The following RBFOX2 variants were observed in gnomAD, a reference collection of about 807,000 sequenced individuals.
The protein encoded by RBFOX2 is RNA binding fox-1 homolog 2, also known as RNA binding protein fox-1 homolog 2.
Under a neutral mutation model 49.1 loss-of-function variants are expected in RBFOX2, and 10 were observed. The ratio of observed to expected loss-of-function variants is 0.20; its 90% CI spans 0.13 to 0.35. The LOEUF is 0.35. RBFOX2 is among the 10% of genes least tolerant of loss of function. The pLI, the probability that RBFOX2 is intolerant of heterozygous loss-of-function variation, is 1.00. For missense variants in RBFOX2, 323 were observed against 486.9 expected, an observed-to-expected ratio of 0.66 and a Z score of 3.17; for synonymous variants, 183 against 187.4, an observed-to-expected ratio of 0.98 and a Z score of 0.19.
In RBFOX2 at chr22:35,740,817, T is replaced by C. The variant is rs1224126556; in HGVS notation, c.*3378A>G. On this transcript the variant is annotated 3_prime_UTR_variant, in exon 12 of 12. Coordinates refer to ENST00000405409, the Ensembl canonical transcript of RBFOX2. ...GTCTCCCTCATGTCTGGAAGCTATA[T>C]AACTAGTTACAGGATGGTAGTGATT... 1.3e-5 allele frequency: 2 copies of C among 152,244 alleles called. 1 individual carries two copies. Among genetic ancestry groups the C allele is most frequent in the East Asian group, 3.8e-4 (2 of 5,196 alleles). 9.4% of individuals were successfully genotyped at this position (152,244 alleles called of 1,614,324 possible). A position where few individuals can be genotyped will look rare whatever the true frequency, so the allele number is the denominator to read the frequency against.
intron 8 of RBFOX2, 81 bp downstream of exon 9, chr22:35,761,121 G>T: frequency 8.1e-7 from 1 of 1,236,162 alleles, no homozygotes; most frequent in Non-Finnish European, 1.2e-6. Context: ...GTTATGTACT[G>T]TACTAGGAAA....
intron 1 of RBFOX2, among the ~76,000 whole-genome samples, chr22:35,970,523 T>TGCTG (rs1222589356): frequency 2.7e-5 from 4 of 150,524 alleles, no homozygotes; most frequent in African/African-American, 9.8e-5. Flanking sequence ...TAACCAGGCA[T>TGCTG]GCTGGCATGT....
intron 2 of RBFOX2, among the ~76,000 whole-genome samples, chr22:35,795,776 A>G (rs971629580): frequency 6.6e-6 from 1 of 152,044 alleles, no homozygotes; most frequent in African/African-American, 2.4e-5. Context: ...CTTTCAACTC[A>G]CCAACAAATA....
intron 1 of RBFOX2, among the ~76,000 whole-genome samples, chr22:35,887,878 A>C (rs2046784607): frequency 6.6e-6 from 1 of 152,112 alleles, no homozygotes; most frequent in Non-Finnish European, 1.5e-5. Context: ...CTATTATCAC[A>C]CCATCAAGCG....
intron 1 of RBFOX2, among the ~76,000 whole-genome samples, chr22:35,979,145 G>A (rs148231424): frequency 1.2e-4 from 18 of 152,228 alleles, no homozygotes; most frequent in African/African-American, 4.1e-4. Flanking sequence ...TATTCCTGCC[G>A]AAAATGATAT....
chr22:35,947,797 A>G (rs1432618113), intron 1 of RBFOX2, among the ~76,000 whole-genome samples: 3 of 151,968 alleles, frequency 2.0e-5, no homozygotes, highest in Admixed American at 1.3e-4. Flanking sequence ...AAGTGTTATT[A>G]CAAAAGAATC....
chr22:35,952,094 T>C (rs796753747), intron 1 of RBFOX2, among the ~76,000 whole-genome samples: 2 of 152,226 alleles, frequency 1.3e-5, no homozygotes, highest in African/African-American at 4.8e-5. Flanking sequence ...AACAGCCCCC[T>C]TCACCATCCC....
chr22:35,838,685 CT>C (rs1469764815), intron 1 of RBFOX2, among the ~76,000 whole-genome samples: 1 of 152,190 alleles, frequency 6.6e-6, no homozygotes, highest in East Asian at 1.9e-4. Flanking sequence ...AAAAATGGCG[CT>C]AAGGCCGAGA....
intron 9 of RBFOX2, among the ~76,000 whole-genome samples, chr22:35,751,218 T>C (rs751315640): frequency 6.6e-6 from 1 of 152,246 alleles, no homozygotes; most frequent in Non-Finnish European, 1.5e-5. Flanking sequence ...AATTTTATTA[T>C]ATTTTTGTTT....
At chr22:35,881,750 G>A (rs1361225030) in intron 1 of RBFOX2, among the ~76,000 whole-genome samples, 4 of 152,024 alleles carry the variant, frequency 2.6e-5, no homozygotes, top group African/African-American at 4.8e-5. Context: ...CATGAGGTCA[G>A]GAGTTCGAGA....
chr22:35,768,715 T>C (rs1427494204), intron 4 of RBFOX2, among the ~76,000 whole-genome samples: 1 of 152,238 alleles, frequency 6.6e-6, no homozygotes, highest in South Asian at 2.1e-4. Context: ...ATTAATTTAA[T>C]ATACATGCCC....
At chr22:35,892,991 C>A (rs569015897) in intron 1 of RBFOX2, among the ~76,000 whole-genome samples, 1 of 152,332 alleles carries the variant, frequency 6.6e-6, no homozygotes, top group Non-Finnish European at 1.5e-5. Flanking sequence ...GGGCATTATT[C>A]GCTATAGCTC....
At chr22:35,964,530 G>C (rs1475488620), upstream of RBFOX2, among the ~76,000 whole-genome samples, 1 of 152,108 alleles carries the variant, frequency 6.6e-6, no homozygotes, top group Non-Finnish European at 1.5e-5. Flanking sequence ...TAATATTTGA[G>C]ATGAAAAAAA....
chr22:35,788,714 T>C (rs930404779), intron 2 of RBFOX2, among the ~76,000 whole-genome samples: 2 of 152,254 alleles, frequency 1.3e-5, no homozygotes, highest in Admixed American at 1.3e-4. Context: ...TTGCAGCTTG[T>C]AGGACTATCC....
intron 1 of RBFOX2, among the ~76,000 whole-genome samples, chr22:35,839,316 A>G (rs1450014419): frequency 6.6e-6 from 1 of 151,790 alleles, no homozygotes; most frequent in Admixed American, 6.6e-5. Flanking sequence ...TCACCTTTCC[A>G]TTTGTCAGGA....
At chr22:36,013,708 G>T (rs1454865294) in intron 1 of RBFOX2, among the ~76,000 whole-genome samples, 2 of 151,674 alleles carry the variant, frequency 1.3e-5, no homozygotes, top group African/African-American at 4.9e-5. Context: ...TTTTACATTT[G>T]AAAAAGTAGC....
intron 1 of RBFOX2, among the ~76,000 whole-genome samples, chr22:35,927,694 C>T (rs185529223): frequency 1.3e-5 from 2 of 150,848 alleles, no homozygotes; most frequent in Admixed American, 6.6e-5. Flanking sequence ...CAAATTGTAG[C>T]GAGCCTTGAA....
At chr22:35,808,171 T>C (rs1279136320) in intron 2 of RBFOX2, among the ~76,000 whole-genome samples, 1 of 152,236 alleles carries the variant, frequency 6.6e-6, no homozygotes, top group East Asian at 1.9e-4. Flanking sequence ...TGTGAGTTCA[T>C]GATCATTAAA....
At chr22:35,777,717 A>G in intron 4 of RBFOX2, 1 of 312,826 alleles carries the variant, frequency 3.2e-6, no homozygotes, top group East Asian at 5.5e-5. Context: ...CTTTAAACGG[A>G]GAAAGCTGAG....
Sources: gnomAD v4.1 joint callset for allele counts (sites outside exome capture counted in the v4.1 genomes callset) on GRCh38, gnomAD v4.1.1 for gene constraint, MANE v1.5 for transcripts, NCBI Gene and HGNC (gene_info 2026-07-23, HGNC 2026-07-21) for gene names.